Variants in NRXN1 observed in about 807,000 individuals in gnomAD.
The protein encoded by NRXN1 is neurexin 1, also known as neurexin-1.
A neutral mutation model predicts 150.9 loss-of-function variants in NRXN1; 39 were observed. The ratio of observed to expected loss-of-function variants is 0.26; its 90% CI spans 0.20 to 0.34. NRXN1 has a LOEUF of 0.34. Among genes scored for constraint, NRXN1 ranks in the 10% least tolerant of loss-of-function variants. The pLI is 1.00. For synonymous variants in NRXN1, 924 were observed against 757.0 expected, an observed-to-expected ratio of 1.22 and a Z score of -3.62; for missense variants, 1,815 against 1,949.9, an observed-to-expected ratio of 0.93 and a Z score of 1.30.
intron 5 of NRXN1, among the ~76,000 whole-genome samples, chr2:50,901,249 G>T (rs1470212242): frequency 6.6e-6 from 1 of 152,004 alleles, no homozygotes; most frequent in African/African-American, 2.4e-5. Context: ...AGAAAACAAA[G>T]ATGAGGCTGG....
At chr2:50,314,559 A>G (rs1253923447) in intron 17 of NRXN1, among the ~76,000 whole-genome samples, 4 of 151,948 alleles carry the variant, frequency 2.6e-5, no homozygotes, top group South Asian at 2.1e-4. Flanking sequence ...ATTGACATCA[A>G]TGATTTTCTG....
chr2:50,107,667 G>T (rs763178715), intron 18 of NRXN1, among the ~76,000 whole-genome samples: 9 of 150,836 alleles, frequency 6.0e-5, no homozygotes, highest in South Asian at 2.1e-4. Context: ...GGATTAATTA[G>T]GCAGTTAATA....
intron 18 of NRXN1, among the ~76,000 whole-genome samples, chr2:50,181,000 T>A (rs1237887504): frequency 2.0e-5 from 3 of 152,150 alleles, no homozygotes; most frequent in African/African-American, 7.2e-5. Context: ...CTTTTATATT[T>A]GTGTTTTCCA....
At chr2:50,273,067 G>A (rs917329281) in intron 17 of NRXN1, among the ~76,000 whole-genome samples, 6 of 151,976 alleles carry the variant, frequency 3.9e-5, no homozygotes, top group African/African-American at 1.5e-4. Flanking sequence ...ACAAAAACAT[G>A]TCCAACCACC....
intron 21 of NRXN1, among the ~76,000 whole-genome samples, chr2:50,048,901 G>A (rs1692255469): frequency 6.6e-6 from 1 of 152,038 alleles, no homozygotes; most frequent in Admixed American, 6.6e-5. Context: ...CTTCCCAAGA[G>A]TTGCAAACTA....
intron 5 of NRXN1, among the ~76,000 whole-genome samples, chr2:50,907,341 T>C (rs1228876277): frequency 6.6e-6 from 1 of 152,042 alleles, no homozygotes; most frequent in Non-Finnish European, 1.5e-5. Flanking sequence ...CCCTGGGTAT[T>C]TGGGTCTTCA....
chr2:50,423,721 G>A (rs1409438958), intron 17 of NRXN1, among the ~76,000 whole-genome samples: 2 of 151,968 alleles, frequency 1.3e-5, no homozygotes, highest in African/African-American at 4.8e-5. Flanking sequence ...GTGATGGAGA[G>A]ACACATGATA....
intron 2 of NRXN1, among the ~76,000 whole-genome samples, chr2:50,986,105 C>T (rs1697658006): frequency 6.6e-6 from 1 of 151,588 alleles, no homozygotes; most frequent in Admixed American, 6.6e-5. Flanking sequence ...GTTAACTTAA[C>T]ATACAGTTAA....
chr2:50,297,357 G>A (rs1272719397), intron 17 of NRXN1, among the ~76,000 whole-genome samples: 1 of 152,292 alleles, frequency 6.6e-6, no homozygotes. Context: ...AAGAAGTAGT[G>A]CTCATCAGGT....
At chr2:49,941,037 T>G (rs1173578394) in intron 22 of NRXN1, among the ~76,000 whole-genome samples, 1 of 151,992 alleles carries the variant, frequency 6.6e-6, no homozygotes, top group Non-Finnish European at 1.5e-5. Context: ...AGCTGGTGTG[T>G]TTTGTATTTT....
At chr2:50,830,809 C>T (rs1241794168) in intron 5 of NRXN1, among the ~76,000 whole-genome samples, 4 of 151,474 alleles carry the variant, frequency 2.6e-5, no homozygotes, top group African/African-American at 9.7e-5. Flanking sequence ...TTTACTAAAT[C>T]TCAACATAAG....
At chr2:50,351,044 C>A (rs535084923) in intron 17 of NRXN1, among the ~76,000 whole-genome samples, 1 of 152,152 alleles carries the variant, frequency 6.6e-6, no homozygotes, top group South Asian at 2.1e-4. Context: ...GTATTGTGGG[C>A]AAAAACATGA....
intron 5 of NRXN1, among the ~76,000 whole-genome samples, chr2:50,790,254 C>T (rs936795371): frequency 6.6e-5 from 10 of 152,132 alleles, no homozygotes; most frequent in African/African-American, 2.4e-4. Flanking sequence ...TCTGTTCATC[C>T]TCTCTGGGGA....
rs1667746702 is a variant in NRXN1, at chr2:49,918,949, A to C, written c.*2995T>G. The C allele has an allele frequency of 6.6e-6, 1 of 152,150 alleles. No individual in the cohort carries two copies. The highest frequency in any genetic ancestry group is 1.5e-5 in the Non-Finnish European group (1 of 67,978). 9.4% of individuals were successfully genotyped at this position (152,150 alleles called of 1,614,324 possible). On this transcript the variant is annotated 3_prime_UTR_variant, in exon 23 of 23. Transcript: ENST00000401669. The stretch of plus-strand genomic sequence containing the variant: ...ATGGATAAATTGGCCTTGCAACAGA[A>C]AAACAAACAAACAAAAAAAGAAGAA...
At chr2:50,095,260 C>T (rs746562480) in intron 18 of NRXN1, among the ~76,000 whole-genome samples, 1 of 152,204 alleles carries the variant, frequency 6.6e-6, no homozygotes, top group African/African-American at 2.4e-5. Flanking sequence ...ACTGTTGAGA[C>T]TCCCTGTGGA....
chr2:50,476,560 G>GTA (rs372298889), intron 15 of NRXN1, among the ~76,000 whole-genome samples: 2 of 151,530 alleles, frequency 1.3e-5, no homozygotes. Flanking sequence ...TGGTATGGCT[G>GTA]TCAGTATATC....
intron 18 of NRXN1, among the ~76,000 whole-genome samples, chr2:50,170,315 T>G (rs937218662): frequency 6.6e-6 from 1 of 152,062 alleles, no homozygotes; most frequent in African/African-American, 2.4e-5. Context: ...TTGTTTTTTT[T>G]GAGACAGTCT....
At chr2:50,877,381 A>C (rs1678761418) in intron 5 of NRXN1, among the ~76,000 whole-genome samples, 1 of 151,904 alleles carries the variant, frequency 6.6e-6, no homozygotes, top group African/African-American at 2.4e-5. Flanking sequence ...GATGGTAAGG[A>C]GATTAGTTGC....
chr2:51,030,955 C>A (rs6758265), intron 1 of NRXN1, among the ~76,000 whole-genome samples: 5,913 of 151,724 alleles, frequency 0.039, 421 homozygotes, highest in African/African-American at 0.14. Context: ...ATCACATAAC[C>A]TTTTTTCTCC....
Sources: allele counts gnomAD v4.1 joint callset (sites outside exome capture counted in the v4.1 genomes callset), GRCh38; gene constraint gnomAD v4.1.1; transcripts MANE v1.5; gene names NCBI Gene and HGNC (gene_info 2026-07-23, HGNC 2026-07-21).